CLPTM1: variants seen among roughly 807,000 people sequenced by gnomAD.
CLPTM1 encodes the protein putative lipid scramblase CLPTM1.
CLPTM1 carries 21 observed loss-of-function variants against 77.3 expected under a neutral mutation model. The ratio of observed to expected loss-of-function variants is 0.27; its 90% CI spans 0.19 to 0.39. The LOEUF (loss-of-function observed/expected upper bound fraction) is 0.39. Ranked by LOEUF, CLPTM1 falls within the 10% of genes least tolerant of loss-of-function variation. The pLI is 1.00. For synonymous variants in CLPTM1, 373 were observed against 381.0 expected (o/e 0.98, Z 0.24); for missense variants, 642 against 921.2 (o/e 0.70, Z 3.92).
chr19:44,967,381 G>A (rs935231787), intron 2 of CLPTM1, among the ~76,000 whole-genome samples: 5 of 151,912 alleles, frequency 3.3e-5, no homozygotes, highest in East Asian at 1.9e-4. Context: ...TCATGAGGCC[G>A]GGTGCAGTGG....
rs754873976 is a variant in CLPTM1, at chr19:44,992,947, GT to G, written c.*51del. 1 of 1,582,802 alleles carries G rather than the reference GT, an allele frequency of 6.3e-7. No homozygotes were observed. The highest frequency in any genetic ancestry group is 1.1e-5 in the South Asian group (1 of 88,766). ...GGCTCCTGGCGACCACTACCCCTGCGTCCCGGCCCCCTCGCCTCCCCTCCCT... is the reference window on the plus strand; with the variant it reads ...GGCTCCTGGCGACCACTACCCCTGCGCCCGGCCCCCTCGCCTCCCCTCCCT... On this transcript the variant is annotated 3_prime_UTR_variant, in exon 14 of 14. Transcript: ENST00000337392. The surrounding 1 kb of genome is among the most constrained non-coding windows in gnomAD (Gnocchi z 7.7).
chr19:44,978,605 C>G (rs142126373), intron 5 of CLPTM1, among the ~76,000 whole-genome samples: 182 of 151,570 alleles, frequency 1.2e-3, no homozygotes, highest in African/African-American at 4.3e-3. Flanking sequence ...AGCTTTCCAG[C>G]CTGGGCGACA....
intron 1 of CLPTM1, among the ~76,000 whole-genome samples, chr19:44,957,037 TC>T (rs1208195551): frequency 6.6e-6 from 1 of 152,124 alleles, no homozygotes. Context: ...TCCACGCCCC[TC>T]CCCAGTTGTG....
intron 1 of CLPTM1, among the ~76,000 whole-genome samples, chr19:44,959,257 C>T (rs1970508330): frequency 6.6e-6 from 1 of 151,736 alleles, no homozygotes; most frequent in South Asian, 2.1e-4. Flanking sequence ...ACAGGGTCTC[C>T]CTGTGTTGCT....
intron 6 of CLPTM1, 39 bp downstream of exon 6, chr19:44,985,342 C>G: frequency 7.2e-7 from 1 of 1,390,586 alleles, no homozygotes; most frequent in Non-Finnish European, 1.0e-6. Flanking sequence ...AGGGACCAAG[C>G]CAGGCCATTC....
intron 7 of CLPTM1, 200 bp downstream of exon 7, chr19:44,986,775 TCTA>T: frequency 1.6e-6 from 1 of 624,358 alleles, no homozygotes; most frequent in South Asian, 2.2e-5. Context: ...AGGACTGACT[TCTA>T]CACGCCAGCA....
At chr19:44,986,785 A>G in intron 7 of CLPTM1, 1 of 592,532 alleles carries the variant, frequency 1.7e-6, no homozygotes. Flanking sequence ...TCTACACGCC[A>G]GCATCGGTCC....
At chr19:44,988,785 C>T (rs1971022877) in intron 9 of CLPTM1, among the ~76,000 whole-genome samples, 1 of 152,244 alleles carries the variant, frequency 6.6e-6, no homozygotes. Context: ...GCCCTGCAGG[C>T]CACTTCTTCC....
chr19:44,957,249 A>G (rs1340762305), intron 1 of CLPTM1, among the ~76,000 whole-genome samples: 1 of 152,214 alleles, frequency 6.6e-6, no homozygotes, highest in Non-Finnish European at 1.5e-5. Context: ...GATGTGTATT[A>G]GTCCTACAGA....
At chr19:44,981,043 G>A (rs141374711) in intron 5 of CLPTM1, among the ~76,000 whole-genome samples, 1,778 of 152,126 alleles carry the variant, frequency 0.012, 34 homozygotes, top group African/African-American at 0.038. Context: ...AGGTTTCACC[G>A]TGTTAGCCAG....
At chr19:44,987,069 C>T in intron 7 of CLPTM1, 110 bp from the exon 8 acceptor site, 4 of 1,382,322 alleles carry the variant, frequency 2.9e-6, no homozygotes, top group East Asian at 4.6e-5. Context: ...TGTCCCCTGT[C>T]CTCCAGTCTC....
At chr19:44,989,448 AC>A (rs1354466761) in intron 9 of CLPTM1, among the ~76,000 whole-genome samples, 1 of 146,496 alleles carries the variant, frequency 6.8e-6, no homozygotes, top group African/African-American at 2.5e-5. Context: ...AACTGCTCCC[AC>A]GAGAACCCAC....
chr19:44,976,835 A>C (rs148334797), intron 4 of CLPTM1, among the ~76,000 whole-genome samples: 1 of 152,302 alleles, frequency 6.6e-6, no homozygotes, highest in East Asian at 1.9e-4. Flanking sequence ...CGTTTGCCTC[A>C]TCTGCAAAAT....
At chr19:44,954,920 T>A, upstream of CLPTM1, 1 of 1,474,014 alleles carries the variant, frequency 6.8e-7, no homozygotes, top group South Asian at 1.2e-5. Flanking sequence ...GGCTAGTTCT[T>A]CGAATCAGAA....
chr19:44,955,554 C>T, intron 1 of CLPTM1, 87 bp downstream of exon 1: 1 of 1,188,832 alleles, frequency 8.4e-7, no homozygotes, highest in Non-Finnish European at 1.1e-6. Flanking sequence ...TCACGGAATC[C>T]CGTGCACTGG....
chr19:44,967,077 G>A (rs1307720356), intron 2 of CLPTM1, among the ~76,000 whole-genome samples: 9 of 152,074 alleles, frequency 5.9e-5, no homozygotes, highest in Admixed American at 2.6e-4. Context: ...TCCTGACCTC[G>A]CTATCCACGC....
chr19:44,983,769 T>TG (rs1439977413), intron 5 of CLPTM1, among the ~76,000 whole-genome samples: 3 of 151,872 alleles, frequency 2.0e-5, no homozygotes, highest in African/African-American at 7.3e-5. Flanking sequence ...GAGACAATCC[T>TG]GGCTAACACA....
Position 44,962,315 on chromosome 19 carries a change from G to GA in CLPTM1, c.185+246dup, listed in dbSNP as rs1970557167. On this transcript the variant is annotated intron_variant, in intron 2 of 13. Transcript: ENST00000337392. ...GTTTTTGGGGGGCTACCTGATTTGT[G>GA]AAAAAATAAAAACACAAAAAATACT... 7.2e-5 allele frequency among the ~76,000 whole-genome samples: 11 copies of GA among 151,798 alleles called. No homozygotes were observed. The South Asian group carries it at 2.3e-3, about 31-fold the overall frequency.
chr19:44,955,386 G>C lies in CLPTM1; in HGVS notation c.-10G>C. 1 of 1,332,090 alleles carries C rather than the reference G, an allele frequency of 7.5e-7. No homozygotes were observed. Among genetic ancestry groups the C allele is most frequent in the South Asian group, 2.0e-5 (1 of 49,272 alleles). The allele number at this position is 1,332,090 out of a possible 1,614,324, so 82.5% of individuals were successfully genotyped here. On this transcript the variant is annotated 5_prime_UTR_variant, in exon 1 of 14. Coordinates refer to ENST00000337392, the MANE Select transcript of CLPTM1 (RefSeq NM_001294.4). ...GGCTGGCGGCGGGGGCGGGGACCCGGAGCGGGAAGATGGCGGCGGCGCAGG... is the reference window on the plus strand; with the variant it reads ...GGCTGGCGGCGGGGGCGGGGACCCGCAGCGGGAAGATGGCGGCGGCGCAGG...
Sources: gnomAD v4.1 joint callset for allele counts (sites outside exome capture counted in the v4.1 genomes callset) on GRCh38, gnomAD v4.1.1 for gene constraint, Gnocchi (gnomAD v3.1) non-coding constraint, MANE v1.5 for transcripts, NCBI Gene and HGNC (gene_info 2026-07-23, HGNC 2026-07-21) for gene names.